HTRA1: variants seen among roughly 807,000 people sequenced by gnomAD.
The protein encoded by HTRA1 is HtrA serine peptidase 1, also known as serine protease HTRA1.
A neutral mutation model predicts 49.7 loss-of-function variants in HTRA1; 26 were observed. That is an observed-to-expected ratio of 0.52 (90% CI 0.38 to 0.73). The LOEUF (loss-of-function observed/expected upper bound fraction) is 0.73. HTRA1 is among the 30% of genes least tolerant of loss of function. HTRA1 has a pLI of 0.00. For missense variants in HTRA1, 561 were observed against 667.2 expected (o/e 0.84, Z 1.75); for synonymous variants, 291 against 286.9 (o/e 1.01, Z -0.14).
At chr10:122,510,440 C>T (rs566263567) in intron 7 of HTRA1, among the ~76,000 whole-genome samples, 3 of 152,208 alleles carry the variant, frequency 2.0e-5, no homozygotes, top group Non-Finnish European at 2.9e-5. Flanking sequence ...ACAGTGTGTG[C>T]GTGGTGGGGC....
Position 122,489,603 on chromosome 10 carries a change from G to A in HTRA1, c.754G>A (p.Ala252Thr), listed in dbSNP as rs113993968. The change falls in exon 3 of 9, where the codon GCA (alanine) becomes ACA (threonine). Residue 252 changes from alanine (A) to threonine (T), a missense_variant. Physicochemically the swap from Ala to Thr is moderately conservative, Grantham distance 58. This residue lies in a region of HTRA1 where 271 missense variants were observed against 410.0 expected (regional missense o/e 0.66). Coordinates refer to ENST00000368984, the MANE Select transcript of HTRA1 (RefSeq NM_002775.5). ...GGATGTGGATGAGAAAGCAGACATC[G>A]CACTCATCAAAATTGACCACCAGGT... ...IKDVDEKADIALIKIDHQGKL... is the reference protein window; with the variant it reads ...IKDVDEKADITLIKIDHQGKL... The A allele has an allele frequency of 3.1e-6, 5 of 1,613,742 alleles. No individual in the cohort carries two copies. Among genetic ancestry groups the A allele is most frequent in the East Asian group, 2.2e-5 (1 of 44,868 alleles).
intron 8 of HTRA1, among the ~76,000 whole-genome samples, chr10:122,513,060 G>A (rs2133453951): frequency 6.6e-6 from 1 of 152,300 alleles, no homozygotes; most frequent in Non-Finnish European, 1.5e-5. Flanking sequence ...GGTGGCTTTT[G>A]TGCTGGAACA....
chr10:122,464,760 G>A lies in HTRA1; in HGVS notation c.472+2636G>A, dbSNP rs1341231697. ...CCAGGACTCAACAGCTGGTGCCCAC[G>A]GGCAGGTCACTTGACGTCACTGTTA... On this transcript the variant is annotated intron_variant, in intron 1 of 8. Transcript: ENST00000368984. The surrounding 1 kb of genome is among the most constrained non-coding windows in gnomAD (Gnocchi z 4.8). 6.6e-6 allele frequency among the ~76,000 whole-genome samples: 1 copy of A among 152,188 alleles called. No homozygotes were observed. The highest frequency in any genetic ancestry group is 2.4e-5 in the African/African-American group (1 of 41,448).
intron 8 of HTRA1, among the ~76,000 whole-genome samples, chr10:122,513,466 T>C (rs913126308): frequency 1.3e-5 from 2 of 151,922 alleles, no homozygotes; most frequent in African/African-American, 4.8e-5. Flanking sequence ...TTAGTAGGCA[T>C]TTCTACAGTG....
chr10:122,487,361 AG>A lies in HTRA1; in HGVS notation c.473-1539del, dbSNP rs1459342435. Among the ~76,000 whole-genome samples, 4 of 152,324 alleles carry A rather than the reference AG, an allele frequency of 2.6e-5. No homozygotes were observed. Among genetic ancestry groups the A allele is most frequent in the Non-Finnish European group, 4.4e-5 (3 of 68,030 alleles). Reference sequence around the variant, plus strand: ...GATTAGGAGCCGGAGTAGTAGGCTAAGGCTGCACTTCCAGGGACACACTGCC... The same window carrying A: ...GATTAGGAGCCGGAGTAGTAGGCTAAGCTGCACTTCCAGGGACACACTGCC... On this transcript the variant is annotated intron_variant, in intron 1 of 8. Coordinates refer to ENST00000368984, the MANE Select transcript of HTRA1 (RefSeq NM_002775.5). The surrounding 1 kb of genome is among the most constrained non-coding windows in gnomAD (Gnocchi z 4.8).
intron 1 of HTRA1, among the ~76,000 whole-genome samples, chr10:122,469,726 G>C (rs2097485325): frequency 6.6e-6 from 1 of 152,230 alleles, no homozygotes; most frequent in Non-Finnish European, 1.5e-5. Context: ...GCTCCTAGAG[G>C]TTAGCTGTAA....
intron 1 of HTRA1, among the ~76,000 whole-genome samples, chr10:122,473,776 T>C (rs1398406042): frequency 6.6e-6 from 1 of 152,218 alleles, no homozygotes; most frequent in African/African-American, 2.4e-5. Flanking sequence ...CACCGGTTCA[T>C]TTTCTATTTC....
chr10:122,478,538 G>T (rs1256436712), intron 1 of HTRA1, among the ~76,000 whole-genome samples: 1 of 151,752 alleles, frequency 6.6e-6, no homozygotes, highest in Admixed American at 6.6e-5. Context: ...GACTACAGGC[G>T]CCTGCCACCA....
In HTRA1 at chr10:122,461,641, G is replaced by C; in HGVS notation, c.-12G>C. ...CCTGTCCGCCGCCACCGCCGCCGCC[G>C]CCAGAGTCGCCATGCAGATCCCGCG... On this transcript the variant is annotated 5_prime_UTR_variant, in exon 1 of 9. Transcript: ENST00000368984. The C allele has an allele frequency of 1.5e-6, 2 of 1,300,444 alleles. No homozygotes were observed. The highest frequency in any genetic ancestry group is 2.0e-6 in the Non-Finnish European group (2 of 1,007,342). The allele number at this position is 1,300,444 out of a possible 1,614,324, so 80.6% of individuals were successfully genotyped here.
intron 1 of HTRA1, among the ~76,000 whole-genome samples, chr10:122,470,307 A>G (rs528814443): frequency 2.0e-5 from 3 of 152,260 alleles, no homozygotes; most frequent in Admixed American, 2.0e-4. Flanking sequence ...CTCATCTACA[A>G]CAGGGGGACA....
chr10:122,510,131 C>T lies in HTRA1; in HGVS notation c.1156C>T (p.Arg386Ter), dbSNP rs768243150. The T allele has an allele frequency of 6.2e-6, 10 of 1,613,946 alleles. No homozygotes were observed. The highest frequency in any genetic ancestry group is 1.1e-5 in the South Asian group (1 of 91,066). The change falls in exon 7 of 9, where the codon CGA (arginine) becomes TGA (stop). Residue 386 changes from arginine to a stop codon, truncating the protein, a stop_gained. Transcript: ENST00000368984. LOFTEE classifies it high-confidence loss of function. ...CACCAAGAAGAAGTATATTGGTATC[C>T]GAATGATGTCACTCACGTCCAGGTG... ...AITKKKYIGI[R>*]MMSLTSSKAK...
chr10:122,508,805 A>G, intron 6 of HTRA1, 35 bp downstream of exon 6: 2 of 1,267,510 alleles, frequency 1.6e-6, no homozygotes, highest in Non-Finnish European at 1.2e-6. Context: ...GGGACTCCGG[A>G]GATGGGGCCT....
chr10:122,481,952 ACCT>A (rs957503661), intron 1 of HTRA1, among the ~76,000 whole-genome samples: 5 of 151,766 alleles, frequency 3.3e-5, no homozygotes, highest in African/African-American at 9.7e-5. Flanking sequence ...GTCCAATAAA[ACCT>A]CCTTCTTTTG....
chr10:122,468,692 C>A (rs1361073202), intron 1 of HTRA1, among the ~76,000 whole-genome samples: 1 of 152,128 alleles, frequency 6.6e-6, no homozygotes, highest in Non-Finnish European at 1.5e-5. Flanking sequence ...ATCATGTGAC[C>A]AGTGTGTGGC....
Position 122,494,299 on chromosome 10 carries a change from G to A in HTRA1, c.777+4673G>A, listed in dbSNP as rs1040434294. On this transcript the variant is annotated intron_variant, in intron 3 of 8. Coordinates refer to ENST00000368984, the MANE Select transcript of HTRA1 (RefSeq NM_002775.5). The surrounding 1 kb of genome is among the most constrained non-coding windows in gnomAD (Gnocchi z 4.0). ...TGTTCAGAGTAGGACGTTCACAGCT[G>A]TCTGCCCCGGAGGAAGCAAGGGCAC... Among the ~76,000 whole-genome samples the A allele has an allele frequency of 1.3e-5, 2 of 152,168 alleles. No homozygotes were observed. The highest frequency in any genetic ancestry group is 4.8e-5 in the African/African-American group (2 of 41,448).
At chr10:122,496,099 G>C (rs1415398545) in intron 3 of HTRA1, among the ~76,000 whole-genome samples, 4 of 152,070 alleles carry the variant, frequency 2.6e-5, no homozygotes, top group Non-Finnish European at 4.4e-5. Context: ...CCTTGTCCTC[G>C]AGGAGCTGAA....
At position 122,506,624 on chromosome 10, in the gene HTRA1, A is replaced by G. The variant is rs75591543; in HGVS notation, c.778-67A>G. 2.1e-6 allele frequency: 3 copies of G among 1,406,084 alleles called. No homozygotes were observed. The East Asian group carries it at 6.8e-5, about 32-fold the overall frequency. The allele number at this position is 1,406,084 out of a possible 1,614,324, so 87.1% of individuals were successfully genotyped here. A position where few individuals can be genotyped will look rare whatever the true frequency, so the allele number is the denominator to read the frequency against. On this transcript the variant is annotated intron_variant, in intron 3 of 8. Coordinates refer to ENST00000368984, the MANE Select transcript of HTRA1 (RefSeq NM_002775.5). The surrounding 1 kb of genome is among the most constrained non-coding windows in gnomAD (Gnocchi z 5.2). ...CACTGTCCCTGCTTGGTTTTCCATG[A>G]TATCTGTGCCTTTACCTATTTGGTT... is the stretch of plus-strand genomic sequence containing the variant.
chr10:122,467,113 C>T (rs889767213), intron 1 of HTRA1, among the ~76,000 whole-genome samples: 1 of 152,168 alleles, frequency 6.6e-6, no homozygotes. Context: ...CTGGATTCTC[C>T]GTTTGGAGCT....
At chr10:122,463,346 G>A (rs1251874607) in intron 1 of HTRA1, among the ~76,000 whole-genome samples, 1 of 150,862 alleles carries the variant, frequency 6.6e-6, no homozygotes, top group South Asian at 2.1e-4. Context: ...ACTCAGCCTA[G>A]TCAGGCAGTA....
Sources: allele counts gnomAD v4.1 joint callset (sites outside exome capture counted in the v4.1 genomes callset), GRCh38; gene constraint gnomAD v4.1.1; regional missense constraint gnomAD v4.1.1; non-coding constraint Gnocchi (gnomAD v3.1); transcripts MANE v1.5; gene names NCBI Gene and HGNC (gene_info 2026-07-23, HGNC 2026-07-21).